ABLIM2: variants seen among roughly 807,000 people sequenced by gnomAD.
ABLIM2 encodes actin-binding LIM protein 2.
ABLIM2 carries 53 observed loss-of-function variants against 97.7 expected under a neutral mutation model. The ratio of observed to expected loss-of-function variants is 0.54; its 90% CI spans 0.44 to 0.68. The LOEUF is 0.68. Ranked by LOEUF, ABLIM2 falls within the 30% of genes least tolerant of loss-of-function variation. The pLI is 0.00. For synonymous variants in ABLIM2, 361 were observed against 345.8 expected, an observed-to-expected ratio of 1.04 and a Z score of -0.49; for missense variants, 835 against 867.2, an observed-to-expected ratio of 0.96 and a Z score of 0.47.
intron 4 of ABLIM2, among the ~76,000 whole-genome samples, chr4:8,081,113 C>T (rs971803278): frequency 4.6e-5 from 7 of 152,076 alleles, no homozygotes; most frequent in Admixed American, 1.3e-4. Context: ...CTCCTGGCAC[C>T]GAGACGTACC....
At chr4:8,156,324 C>A (rs1253802459) in intron 1 of ABLIM2, among the ~76,000 whole-genome samples, 2 of 152,180 alleles carry the variant, frequency 1.3e-5, no homozygotes, top group Non-Finnish European at 2.9e-5. Context: ...CATGTGTGGA[C>A]TGGCCGGCCA....
chr4:8,062,025 G>A (rs1262865058), intron 6 of ABLIM2, among the ~76,000 whole-genome samples: 1 of 152,162 alleles, frequency 6.6e-6, no homozygotes. Context: ...TCCGGGCCAG[G>A]TGATAAGGCC....
intron 16 of ABLIM2, among the ~76,000 whole-genome samples, chr4:8,000,499 G>A (rs1756385755): frequency 1.3e-5 from 2 of 152,114 alleles, no homozygotes; most frequent in South Asian, 2.1e-4. Context: ...GCGCCCGCAT[G>A]CAGTGCCCAA....
intron 14 of ABLIM2, 147 bp from the exon 15 acceptor site, chr4:8,009,249 A>G: frequency 2.1e-6 from 2 of 966,156 alleles, no homozygotes; most frequent in Admixed American, 4.0e-5. Context: ...AAGGGCAAGG[A>G]ACAAGGTAAG....
intron 14 of ABLIM2, among the ~76,000 whole-genome samples, chr4:8,014,924 CT>C (rs72140876): frequency 0.3 from 42,032 of 140,606 alleles, 5,990 homozygotes; most frequent in African/African-American, 0.36. Context: ...TCCTTTCTTT[CT>C]TTTTTTTTTT....
At chr4:7,978,043 G>C (rs1734937677) in intron 20 of ABLIM2, among the ~76,000 whole-genome samples, 3 of 152,106 alleles carry the variant, frequency 2.0e-5, no homozygotes, top group Non-Finnish European at 2.9e-5. Flanking sequence ...AGAGGTTTAT[G>C]TCCTTCTTTG....
Position 8,095,006 on chromosome 4 carries a change from CTT to C in ABLIM2, c.338+2091_338+2092del, listed in dbSNP as rs1321312215. ...TTTCTCTTTCTTTTCCTTTTTCTTT[CTT>C]TCTCTCTCTCTCTCCCCCCACTTCT... On this transcript the variant is annotated intron_variant, in intron 3 of 20. Transcript: ENST00000447017. The surrounding 1 kb of genome is among the most constrained non-coding windows in gnomAD (Gnocchi z 4.7). Among the ~76,000 whole-genome samples, 2 of 115,682 alleles carry C rather than the reference CTT, an allele frequency of 1.7e-5. No individual in the cohort carries two copies. The highest frequency in any genetic ancestry group is 2.8e-4 in the East Asian group (1 of 3,510). 75.9% of individuals were successfully genotyped at this position (115,682 alleles called of 152,430 possible).
At position 8,044,669 on chromosome 4, in the gene ABLIM2, G is replaced by C. The variant is rs10033351; in HGVS notation, c.900+495C>G. Among the ~76,000 whole-genome samples, 6,026 of 72,558 alleles carry C rather than the reference G, an allele frequency of 0.083. 186 individuals are homozygous for C. The highest frequency in any genetic ancestry group is 0.16 in the Admixed American group (1,172 of 7,332). The allele number at this position is 72,558 out of a possible 152,430, so 47.6% of individuals were successfully genotyped here. A position where few individuals can be genotyped will look rare whatever the true frequency, so the allele number is the denominator to read the frequency against. Reference sequence around the variant, plus strand: ...ACACACACACACACACACACACAGAGTCTCTCTCTCTCTCTCTCTCTCGAA... The same window carrying C: ...ACACACACACACACACACACACAGACTCTCTCTCTCTCTCTCTCTCTCGAA... On this transcript the variant is annotated intron_variant, in intron 9 of 20. Transcript: ENST00000447017. The surrounding 1 kb of genome is among the most constrained non-coding windows in gnomAD (Gnocchi z 4.4).
In ABLIM2 at chr4:8,071,344, A is replaced by C; in HGVS notation, c.675+6284T>G. On this transcript the variant is annotated intron_variant, in intron 6 of 20. Transcript: ENST00000447017. This position sits in a 1 kb window ranked among gnomAD's most constrained non-coding sequence, Gnocchi z 6.2. ...GACCCCAGCAAGGAGCCGGCTCATC[A>C]GGACAGACACCCAGAGATGGGTGGG... 6.6e-6 allele frequency among the ~76,000 whole-genome samples: 1 copy of C among 152,104 alleles called. No individual in the cohort carries two copies. The highest frequency in any genetic ancestry group is 2.4e-5 in the African/African-American group (1 of 41,418).
rs1165973566 is a variant in ABLIM2, at chr4:7,992,943, C to T, written c.1619-16G>A. 1.2e-6 allele frequency: 2 copies of T among 1,612,148 alleles called. No homozygotes were observed. The highest frequency in any genetic ancestry group is 1.7e-6 in the Non-Finnish European group (2 of 1,179,476). On this transcript the variant is annotated splice_polypyrimidine_tract_variant and intron_variant, in intron 16 of 20. Transcript: ENST00000447017. This position sits in a 1 kb window ranked among gnomAD's most constrained non-coding sequence, Gnocchi z 5.7. ...TAGGGGAATCCTGAAACAGACACAGCACAGCTTTGTCACGCGCGCAGACTC... is the reference window on the plus strand; with the variant it reads ...TAGGGGAATCCTGAAACAGACACAGTACAGCTTTGTCACGCGCGCAGACTC...
chr4:8,114,128 G>A (rs2152814067), intron 1 of ABLIM2, among the ~76,000 whole-genome samples: 1 of 152,218 alleles, frequency 6.6e-6, no homozygotes, highest in East Asian at 1.9e-4. Context: ...CCCCTGGCCT[G>A]GAAGCCCTCA....
chr4:8,108,846 A>T (rs995431158), intron 1 of ABLIM2, among the ~76,000 whole-genome samples: 119 of 152,152 alleles, frequency 7.8e-4, no homozygotes, highest in African/African-American at 2.8e-3. Flanking sequence ...CTTTATTTCC[A>T]CAGCAGTCTA....
chr4:8,081,050 G>A (rs1819507341), intron 4 of ABLIM2, among the ~76,000 whole-genome samples: 1 of 152,158 alleles, frequency 6.6e-6, no homozygotes, highest in Non-Finnish European at 1.5e-5. Context: ...CTATGAGCTG[G>A]GGAAACCTAG....
In ABLIM2 at chr4:7,983,308, T is replaced by C. The variant is rs1289534720; in HGVS notation, c.1780A>G (p.Ile594Val). The C allele has an allele frequency of 1.2e-6, 2 of 1,612,626 alleles. No homozygotes were observed. Among genetic ancestry groups the C allele is most frequent in the South Asian group, 2.2e-5 (2 of 90,432 alleles). Residue 594 changes from isoleucine (I) to valine (V), a missense_variant, in exon 20 of 21, where the codon ATT (isoleucine) becomes GTT (valine). Ile to Val is a conservative substitution (Grantham distance 29). Transcript: ENST00000447017. ...PYDSLIVTNR[I>V]RVKLPKDVDR... The stretch of plus-strand genomic sequence containing the variant: ...ACGTCTTTGGGCAGTTTCACGCGAA[T>C]TCGGTTTGTGACGATGAGGGAGTCA...
At chr4:7,977,049 G>A (rs1560359150) in intron 20 of ABLIM2, among the ~76,000 whole-genome samples, 1 of 152,148 alleles carries the variant, frequency 6.6e-6, no homozygotes, top group Admixed American at 6.5e-5. Context: ...ATCCCCACAT[G>A]TGGAGGGAGG....
At chr4:8,059,534 G>C (rs59621491) in intron 7 of ABLIM2, among the ~76,000 whole-genome samples, 21,930 of 151,794 alleles carry the variant, frequency 0.14, 1,971 homozygotes, top group East Asian at 0.31. Flanking sequence ...CCCCCCACTT[G>C]ACATAACTAT....
intron 7 of ABLIM2, among the ~76,000 whole-genome samples, chr4:8,060,418 T>G (rs1274325689): frequency 6.6e-6 from 1 of 152,186 alleles, no homozygotes; most frequent in Non-Finnish European, 1.5e-5. Context: ...CCGCTACATT[T>G]TCCTCCAAAT....
rs959546020 is a variant in ABLIM2 at position 7,996,248 on chromosome 4, G to A, written c.1619-3321C>T. Among the ~76,000 whole-genome samples the A allele has an allele frequency of 6.6e-6, 1 of 152,204 alleles. No individual in the cohort carries two copies. The highest frequency in any genetic ancestry group is 2.4e-5 in the African/African-American group (1 of 41,450). ...CAGAATTCTGGGGCTGGGGTCCAGG[G>A]ATCTGTGTTTTTACAAGGCTTCTGG... On this transcript the variant is annotated intron_variant, in intron 16 of 20. Coordinates refer to ENST00000447017, the MANE Select transcript of ABLIM2 (RefSeq NM_001130083.2). This position sits in a 1 kb window ranked among gnomAD's most constrained non-coding sequence, Gnocchi z 4.5.
chr4:8,016,107 C>A (rs904274217), intron 14 of ABLIM2, among the ~76,000 whole-genome samples: 1 of 132,528 alleles, frequency 7.5e-6, no homozygotes, highest in African/African-American at 3.0e-5. Flanking sequence ...TGCAGTGGTG[C>A]GATCTCGGCT....
Sources: gnomAD v4.1 joint callset for allele counts (sites outside exome capture counted in the v4.1 genomes callset) on GRCh38, gnomAD v4.1.1 for gene constraint, Gnocchi (gnomAD v3.1) non-coding constraint, MANE v1.5 for transcripts, NCBI Gene and HGNC (gene_info 2026-07-23, HGNC 2026-07-21) for gene names.